The following SLC17A5 variants were observed in gnomAD, a reference collection of about 807,000 sequenced individuals.
The protein encoded by SLC17A5 is solute carrier family 17 member 5.
A neutral mutation model predicts 59.4 loss-of-function variants in SLC17A5; 47 were observed. The observed-to-expected ratio is 0.79, with a 90% CI of 0.63 to 1.01. The LOEUF (loss-of-function observed/expected upper bound fraction) is 1.01, where lower values mean the gene tolerates loss of function less well. Among genes scored for constraint, SLC17A5 ranks in the 50% least tolerant of loss-of-function variants. The pLI is 0.00. For synonymous variants in SLC17A5, 202 were observed against 210.7 expected (o/e 0.96, Z 0.36); for missense variants, 522 against 595.5 (o/e 0.88, Z 1.28).
At chr6:73,611,476 C>T (rs1167000298) in intron 8 of SLC17A5, among the ~76,000 whole-genome samples, 11 of 152,194 alleles carry the variant, frequency 7.2e-5, no homozygotes, top group Non-Finnish European at 1.3e-4. Context: ...GATGGGGTTT[C>T]GCCATGTTGG....
chr6:73,652,386 C>T (rs2150126943), intron 1 of SLC17A5, among the ~76,000 whole-genome samples: 1 of 152,312 alleles, frequency 6.6e-6, no homozygotes, highest in East Asian at 1.9e-4. Flanking sequence ...TTTCTATCCA[C>T]ATCTCTGCTA....
chr6:73,650,215 AG>A (rs35879315), intron 1 of SLC17A5, among the ~76,000 whole-genome samples: 102,794 of 138,332 alleles, frequency 0.74, 38,571 homozygotes, highest in South Asian at 0.82. Context: ...AAAAAAAAAA[AG>A]AAAGAAAAAA....
intron 1 of SLC17A5, among the ~76,000 whole-genome samples, chr6:73,650,507 CAAAAAAA>C (rs999445559): frequency 9.3e-4 from 33 of 35,564 alleles, no homozygotes; most frequent in South Asian, 2.1e-3. Flanking sequence ...GACTCCGTCT[CAAAAAAA>C]AAAAAAAAAA....
chr6:73,616,151 T>G (rs1767850706), intron 7 of SLC17A5, among the ~76,000 whole-genome samples: 1 of 152,136 alleles, frequency 6.6e-6, no homozygotes, highest in Non-Finnish European at 1.5e-5. Context: ...CCCAAAGTAC[T>G]GGGATTACAG....
intron 9 of SLC17A5, among the ~76,000 whole-genome samples, chr6:73,607,464 C>T (rs1006826493): frequency 1.3e-5 from 2 of 152,132 alleles, no homozygotes; most frequent in Non-Finnish European, 2.9e-5. Flanking sequence ...CAGAGTTTCA[C>T]CATGTTGGCC....
At chr6:73,645,438 C>T in intron 1 of SLC17A5, 7 of 985,250 alleles carry the variant, frequency 7.1e-6, no homozygotes, top group Non-Finnish European at 8.4e-6. Flanking sequence ...CAGTAGTTAT[C>T]AAGCGTAAAG....
At chr6:73,651,149 T>G (rs910293599) in intron 1 of SLC17A5, among the ~76,000 whole-genome samples, 2 of 152,140 alleles carry the variant, frequency 1.3e-5, no homozygotes, top group African/African-American at 4.8e-5. Context: ...GAGATCCTGA[T>G]TTGAACACAC....
At chr6:73,616,638 T>C (rs1380865172) in intron 7 of SLC17A5, among the ~76,000 whole-genome samples, 1 of 151,226 alleles carries the variant, frequency 6.6e-6, no homozygotes, top group African/African-American at 2.4e-5. Flanking sequence ...AGACAGAGTC[T>C]TGCTCTGTTG....
chr6:73,603,142 A>ATT lies in SLC17A5; in HGVS notation c.1260-2703_1260-2702dup, dbSNP rs74916771. On this transcript the variant is annotated intron_variant, in intron 9 of 10. Transcript: ENST00000355773. Reference sequence around the variant, plus strand: ...AAAATTTGCTTGTTCCATTAATTACATTTTTTTTTTTGAGACGGAGTCTCT... The same window carrying ATT: ...AAAATTTGCTTGTTCCATTAATTACATTTTTTTTTTTTTGAGACGGAGTCTCT... Among the ~76,000 whole-genome samples, 1,379 of 148,466 alleles carry ATT rather than the reference A, an allele frequency of 9.3e-3. 20 individuals carry two copies. The highest frequency in any genetic ancestry group is 0.032 in the African/African-American group (1,295 of 40,754).
intron 6 of SLC17A5, among the ~76,000 whole-genome samples, chr6:73,631,060 A>G (rs553627822): frequency 2.0e-5 from 3 of 151,216 alleles, no homozygotes; most frequent in Non-Finnish European, 4.4e-5. Context: ...AGAAAAAAAA[A>G]AAAAAAGAAA....
At chr6:73,602,475 A>G (rs1424470505) in intron 9 of SLC17A5, among the ~76,000 whole-genome samples, 14 of 152,096 alleles carry the variant, frequency 9.2e-5, no homozygotes. Context: ...ACAACAAAAA[A>G]CATTAACATT....
chr6:73,628,462 T>G (rs553869366), intron 6 of SLC17A5, among the ~76,000 whole-genome samples: 285 of 152,094 alleles, frequency 1.9e-3, no homozygotes, highest in Non-Finnish European at 2.4e-3. Flanking sequence ...TCCCAGCTAC[T>G]CGGGAGGCTG....
intron 1 of SLC17A5, among the ~76,000 whole-genome samples, chr6:73,648,442 G>A (rs1769685763): frequency 6.6e-6 from 1 of 152,192 alleles, no homozygotes; most frequent in African/African-American, 2.4e-5. Flanking sequence ...AAGTACACAG[G>A]CTAATTTAGA....
chr6:73,647,166 C>T (rs1460007612), intron 1 of SLC17A5, among the ~76,000 whole-genome samples: 2 of 152,210 alleles, frequency 1.3e-5, no homozygotes, highest in Non-Finnish European at 2.9e-5. Flanking sequence ...TTACCTATTT[C>T]AGCAAAGGAG....
chr6:73,601,881 G>A (rs1361545579), intron 9 of SLC17A5, among the ~76,000 whole-genome samples: 5 of 151,364 alleles, frequency 3.3e-5, no homozygotes, highest in Admixed American at 1.3e-4. Context: ...CTGCCCGGCC[G>A]CCCCTACTGG....
chr6:73,653,603 G>T (rs1265292708), intron 1 of SLC17A5, 190 bp downstream of exon 1: 37 of 621,724 alleles, frequency 6.0e-5, no homozygotes, highest in Non-Finnish European at 7.4e-5. Flanking sequence ...GTTCCCGAGG[G>T]GCTTCTGCGC....
intron 1 of SLC17A5, among the ~76,000 whole-genome samples, chr6:73,649,803 G>T (rs879848943): frequency 1.2e-4 from 18 of 152,022 alleles, no homozygotes; most frequent in Non-Finnish European, 2.2e-4. Flanking sequence ...TAGGAATTGA[G>T]GTTAGTTCTC....
Position 73,635,621 on chromosome 6 carries a change from T to C in SLC17A5, c.701-121A>G, listed in dbSNP as rs1768957584. The C allele has an allele frequency of 2.3e-5, 14 of 608,942 alleles. No individual in the cohort carries two copies. In the East Asian group the frequency reaches 3.6e-4, roughly 16 times the overall value. 37.7% of individuals were successfully genotyped at this position (608,942 alleles called of 1,614,324 possible). A position where few individuals can be genotyped will look rare whatever the true frequency, so the allele number is the denominator to read the frequency against. On this transcript the variant is annotated intron_variant, in intron 5 of 10. Transcript: ENST00000355773. ...ATTTTTACATGTCTTGAAAAAATTA[T>C]GTAACTATAAATTCAATGTAAAACT...
intron 1 of SLC17A5, chr6:73,645,654 C>A (rs532408132): frequency 1.4e-5 from 3 of 212,220 alleles, no homozygotes; most frequent in Admixed American, 1.3e-4. Context: ...CGGGCGTGGT[C>A]GCGGGCGCCT....
Sources: allele counts gnomAD v4.1 joint callset (sites outside exome capture counted in the v4.1 genomes callset), GRCh38; gene constraint gnomAD v4.1.1; transcripts MANE v1.5; gene names NCBI Gene and HGNC (gene_info 2026-07-23, HGNC 2026-07-21).